Variants in AMPD1 observed in about 807,000 individuals in gnomAD.
AMPD1 encodes the protein AMP deaminase 1.
A neutral mutation model predicts 82.9 loss-of-function variants in AMPD1; 74 were observed. The ratio of observed to expected loss-of-function variants is 0.89; its 90% CI spans 0.74 to 1.08. The LOEUF is 1.08. Among genes scored for constraint, AMPD1 ranks in the 50% least tolerant of loss-of-function variants. The pLI is 0.00. For missense variants in AMPD1, 881 were observed against 924.5 expected, an observed-to-expected ratio of 0.95 and a Z score of 0.61; for synonymous variants, 333 against 320.5, an observed-to-expected ratio of 1.04 and a Z score of -0.42.
In AMPD1 at chr1:114,688,588, G is replaced by A. The variant is rs1307315745; in HGVS notation, c.188C>T (p.Thr63Ile). 6.2e-7 allele frequency: 1 copy of A among 1,614,200 alleles called. No homozygotes were observed. Among genetic ancestry groups the A allele is most frequent in the Non-Finnish European group, 8.5e-7 (1 of 1,180,038 alleles). ...EMQAHIFHLE[T>I]LSTSTEARRK... Reference sequence around the variant, plus strand: ...CCTGGCTTCTGTGGAGGTGGACAGAGTCTCCAGATGGAATATGTGTGCTTG... The same window carrying A: ...CCTGGCTTCTGTGGAGGTGGACAGAATCTCCAGATGGAATATGTGTGCTTG... The change falls in exon 3 of 16, where the codon ACT becomes ATT. Residue 63 changes from threonine (T) to isoleucine (I), a missense_variant. By Grantham distance (89) the Thr-to-Ile change is moderately conservative. Around this residue, in one of 2 missense-constraint regions of AMPD1, gnomAD observed 783 missense variants for 786.4 expected, o/e 1.00. Coordinates refer to ENST00000520113, the MANE Select transcript of AMPD1 (RefSeq NM_000036.3).
chr1:114,686,335 C>T (rs1557972984), intron 4 of AMPD1, among the ~76,000 whole-genome samples: 1 of 152,074 alleles, frequency 6.6e-6, no homozygotes, highest in Non-Finnish European at 1.5e-5. Flanking sequence ...CAACCCTTCT[C>T]ACTATCCTAG....
At position 114,683,168 on chromosome 1, in the gene AMPD1, A is replaced by G. The variant is rs192407811; in HGVS notation, c.547+1031T>C. The G allele has an allele frequency of 1.5e-3, 707 of 462,342 alleles. 1 individual carries two copies. The highest frequency in any genetic ancestry group is 7.1e-3 in the African/African-American group (359 of 50,366). The allele number at this position is 462,342 out of a possible 1,614,324, so 28.6% of individuals were successfully genotyped here. ...AACTGAGATAAGTAAATAAAGTGCT[A>G]TGGAAAGTCAGAACATGTAGTTTAC... is the stretch of plus-strand genomic sequence containing the variant. On this transcript the variant is annotated intron_variant, in intron 5 of 15. Coordinates refer to ENST00000520113, the MANE Select transcript of AMPD1 (RefSeq NM_000036.3).
At chr1:114,683,869 T>C (rs1462562427) in intron 5 of AMPD1, among the ~76,000 whole-genome samples, 1 of 152,192 alleles carries the variant, frequency 6.6e-6, no homozygotes, top group African/African-American at 2.4e-5. Context: ...TGCTCAGATC[T>C]GTGTTTTAAA....
intron 2 of AMPD1, among the ~76,000 whole-genome samples, chr1:114,693,149 TAAATAAA>T (rs2101728062): frequency 6.8e-6 from 1 of 148,020 alleles, no homozygotes; most frequent in South Asian, 2.1e-4. Flanking sequence ...AATAAATAAA[TAAATAAA>T]TAAATAAATA....
At chr1:114,682,648 A>G (rs55918151) in intron 5 of AMPD1, among the ~76,000 whole-genome samples, 6,688 of 149,288 alleles carry the variant, frequency 0.045, 206 homozygotes, top group Non-Finnish European at 0.064. Flanking sequence ...GCGCGATCTC[A>G]GCTCACTGCA....
chr1:114,687,166 C>T (rs1159886414), intron 3 of AMPD1, among the ~76,000 whole-genome samples: 2 of 152,118 alleles, frequency 1.3e-5, no homozygotes, highest in Non-Finnish European at 1.5e-5. Context: ...TGACACCCTT[C>T]TTCCCAGGCA....
Position 114,677,975 on chromosome 1 carries a change from G to A in AMPD1, c.1159C>T (p.Leu387=). 6.2e-7 allele frequency: 1 copy of A among 1,613,824 alleles called. No homozygotes were observed. Among genetic ancestry groups the A allele is most frequent in the Non-Finnish European group, 8.5e-7 (1 of 1,179,866 alleles). Reference sequence around the variant, plus strand: ...TCTGTCTTCAAGTAGAGGTCCCGTAGCTCACTTGCTCCTACAGGATTATAT... The same window carrying A: ...TCTGTCTTCAAGTAGAGGTCCCGTAACTCACTTGCTCCTACAGGATTATAT... The part of the protein sequence containing the change: ...DKYNPVGASE[L]RDLYLKTDNY... Residue 387 remains leucine, a synonymous_variant, in exon 9 of 16, where the codon CTA becomes TTA. Coordinates refer to ENST00000520113, the MANE Select transcript of AMPD1 (RefSeq NM_000036.3).
In AMPD1 at chr1:114,675,985, C is replaced by A; in HGVS notation, c.1407G>T (p.Lys469Asn). The A allele has an allele frequency of 6.2e-7, 1 of 1,613,998 alleles. No homozygotes were observed. Among genetic ancestry groups the A allele is most frequent in the Non-Finnish European group, 8.5e-7 (1 of 1,180,020 alleles). ...TTTTTCCAAAATGTGGAAGGAAATT[C>A]TTGGAACGGAACACATCACTAGAGG... is the stretch of plus-strand genomic sequence containing the variant. ...VPRIYDVFRS[K>N]NFLPHFGKML... Residue 469 changes from lysine (K) to asparagine (N), a missense_variant, in exon 11 of 16, where the codon AAG becomes AAT. Lys to Asn is a moderately conservative substitution (Grantham distance 94, BLOSUM62 0). Around this residue, in one of 2 missense-constraint regions of AMPD1, gnomAD observed 783 missense variants for 786.4 expected, o/e 1.00. Coordinates refer to ENST00000520113, the MANE Select transcript of AMPD1 (RefSeq NM_000036.3).
At position 114,680,488 on chromosome 1, in the gene AMPD1, T is replaced by C; in HGVS notation, c.548-10A>G. 1 of 1,611,118 alleles carries C rather than the reference T, an allele frequency of 6.2e-7. No homozygotes were observed. The highest frequency in any genetic ancestry group is 8.5e-7 in the Non-Finnish European group (1 of 1,177,406). ...ACAGGAGGAGTAAAGACTTTTTCAATCAAACACAGAGTAATATATTAGCAC... is the reference window on the plus strand; with the variant it reads ...ACAGGAGGAGTAAAGACTTTTTCAACCAAACACAGAGTAATATATTAGCAC... On this transcript the variant is annotated splice_polypyrimidine_tract_variant and intron_variant, in intron 5 of 15. Coordinates refer to ENST00000520113, the MANE Select transcript of AMPD1 (RefSeq NM_000036.3).
intron 3 of AMPD1, among the ~76,000 whole-genome samples, chr1:114,687,756 T>C (rs968655518): frequency 6.6e-6 from 1 of 151,848 alleles, no homozygotes; most frequent in Non-Finnish European, 1.5e-5. Flanking sequence ...ATCATAGACA[T>C]GGGATGGGCA....
At chr1:114,687,635 T>C (rs1658359867) in intron 3 of AMPD1, among the ~76,000 whole-genome samples, 1 of 152,012 alleles carries the variant, frequency 6.6e-6, no homozygotes, top group South Asian at 2.1e-4. Flanking sequence ...GGTTTGAGGT[T>C]TGGGGACTAA....
Position 114,678,024 on chromosome 1 carries a change from C to T in AMPD1, c.1110G>A (p.Gln370=). 6.2e-7 allele frequency: 1 copy of T among 1,613,966 alleles called. No homozygotes were observed. The highest frequency in any genetic ancestry group is 8.5e-7 in the Non-Finnish European group (1 of 1,180,006). ...ATTTGTCATTGAACTTATCAAAACG[C>T]TGGAAGGTCTGGCGTCCCTGAATCA... ...LDVHAGRQTF[Q]RFDKFNDKYN... The change falls in exon 9 of 16, where the codon CAG becomes CAA. Residue 370 remains glutamine (Q), a synonymous_variant. Transcript: ENST00000520113.
Position 114,679,601 on chromosome 1 carries a change from C to T in AMPD1, c.875G>A (p.Arg292Gln), listed in dbSNP as rs1290122973. The change falls in exon 7 of 16, where the codon CGA becomes CAA. Residue 292 changes from arginine (R) to glutamine (Q), a missense_variant. By Grantham distance (43) the Arg-to-Gln change is conservative. Transcript: ENST00000520113. ...ELKELKNNPHRDFYNCRKVDT... is the reference protein window; with the variant it reads ...ELKELKNNPHQDFYNCRKVDT... Reference sequence around the variant, plus strand: ...TACCTTCCTGCAGTTATAAAAATCTCGGTGGGGGTTGTTTTTCAGCTCCTT... The same window carrying T: ...TACCTTCCTGCAGTTATAAAAATCTTGGTGGGGGTTGTTTTTCAGCTCCTT... The T allele has an allele frequency of 1.4e-5, 23 of 1,613,896 alleles. No individual in the cohort carries two copies. The highest frequency in any genetic ancestry group is 6.7e-5 in the East Asian group (3 of 44,894).
chr1:114,680,862 G>A (rs1007160885), intron 5 of AMPD1, among the ~76,000 whole-genome samples: 2 of 152,184 alleles, frequency 1.3e-5, no homozygotes, highest in Non-Finnish European at 2.9e-5. Flanking sequence ...CAGCTACTCA[G>A]GAGGCTGAGG....
chr1:114,688,339 G>C (rs946545705), intron 3 of AMPD1, among the ~76,000 whole-genome samples: 1 of 152,116 alleles, frequency 6.6e-6, no homozygotes, highest in African/African-American at 2.4e-5. Flanking sequence ...TGTTGACCAG[G>C]CTGGTCTCAA....
At chr1:114,674,662 C>T (rs767759995) in intron 13 of AMPD1, 90 bp downstream of exon 13, 9 of 1,471,430 alleles carry the variant, frequency 6.1e-6, no homozygotes, top group African/African-American at 1.4e-5. Flanking sequence ...ATTGCAGTGT[C>T]GATAATGACT....
At chr1:114,693,288 C>A in intron 2 of AMPD1, 148 bp downstream of exon 2, 1 of 774,064 alleles carries the variant, frequency 1.3e-6, no homozygotes, top group Non-Finnish European at 2.2e-6. Flanking sequence ...TATGGGATAT[C>A]TATGGTCATT....
At chr1:114,673,770 GA>G in intron 14 of AMPD1, 21 bp from the exon 15 acceptor site, 1 of 1,589,366 alleles carries the variant, frequency 6.3e-7, no homozygotes, top group Non-Finnish European at 8.6e-7. Flanking sequence ...ATTAAATGAG[GA>G]AAAAAGAGGA....
chr1:114,673,369 C>A, intron 15 of AMPD1, 97 bp from the exon 16 acceptor site: 1 of 1,373,684 alleles, frequency 7.3e-7, no homozygotes, highest in Non-Finnish European at 1.0e-6. Flanking sequence ...CTTATGTTAG[C>A]CACTGACAAA....
Sources: allele counts gnomAD v4.1 joint callset (sites outside exome capture counted in the v4.1 genomes callset), GRCh38; gene constraint gnomAD v4.1.1; regional missense constraint gnomAD v4.1.1; transcripts MANE v1.5; gene names NCBI Gene and HGNC (gene_info 2026-07-23, HGNC 2026-07-21).